The following MEIKIN variants were observed in gnomAD, a reference collection of about 807,000 sequenced individuals.
MEIKIN encodes the protein meiotic kinetochore factor.
At chr5:131,859,674 T>C (rs1412573729) in intron 9 of MEIKIN, among the ~76,000 whole-genome samples, 2 of 152,208 alleles carry the variant, frequency 1.3e-5, no homozygotes, top group Non-Finnish European at 2.9e-5. Flanking sequence ...TCTCTTTTCT[T>C]ATAAATTACC....
Position 131,854,746 on chromosome 5 carries a change from ATACT to A in MEIKIN, c.855+4_855+7del, listed in dbSNP as rs920442208. On this transcript the variant is annotated splice_donor_5th_base_variant and intron_variant, in intron 10 of 12. Coordinates refer to ENST00000442687, the MANE Select transcript of MEIKIN (RefSeq NM_001303622.2). ...CAGATACTACAAGTGCCAAATGCTA[ATACT>A]TACCACAAAACCAGCTGTCTCTGAA... 7.5e-6 allele frequency: 3 copies of A among 397,704 alleles called. No individual in the cohort carries two copies. The highest frequency in any genetic ancestry group is 6.2e-5 in the African/African-American group (3 of 48,618). The allele number at this position is 397,704 out of a possible 1,614,324, so 24.6% of individuals were successfully genotyped here. A position where few individuals can be genotyped will look rare whatever the true frequency, so the allele number is the denominator to read the frequency against.
chr5:131,938,665 T>C (rs950276724), intron 4 of MEIKIN, among the ~76,000 whole-genome samples: 2 of 152,208 alleles, frequency 1.3e-5, no homozygotes, highest in Admixed American at 1.3e-4. Context: ...AATTTTTTTG[T>C]TCTGAACACT....
intron 5 of MEIKIN, among the ~76,000 whole-genome samples, chr5:131,928,390 C>G (rs561215810): frequency 1.3e-5 from 2 of 152,066 alleles, no homozygotes; most frequent in East Asian, 3.9e-4. Context: ...ATCGATAATG[C>G]TTTTCTTTTT....
At chr5:131,934,474 G>A (rs970837556) in intron 4 of MEIKIN, among the ~76,000 whole-genome samples, 4 of 152,066 alleles carry the variant, frequency 2.6e-5, no homozygotes, top group African/African-American at 9.7e-5. Flanking sequence ...AGAAAGGATA[G>A]TCTTTTAAAC....
At chr5:131,856,425 T>C (rs1020245151) in intron 9 of MEIKIN, among the ~76,000 whole-genome samples, 3 of 152,194 alleles carry the variant, frequency 2.0e-5, no homozygotes, top group Admixed American at 2.0e-4. Context: ...CTTTAGAATA[T>C]GCTTCAGCTT....
intron 5 of MEIKIN, among the ~76,000 whole-genome samples, chr5:131,928,530 T>C (rs992604596): frequency 6.6e-6 from 1 of 152,226 alleles, no homozygotes; most frequent in Admixed American, 6.5e-5. Context: ...ACACTTATAC[T>C]TCTCCCCCTC....
chr5:131,858,454 A>G (rs1750232229), intron 9 of MEIKIN, among the ~76,000 whole-genome samples: 1 of 152,224 alleles, frequency 6.6e-6, no homozygotes, highest in African/African-American at 2.4e-5. Context: ...AAACACTTAA[A>G]TGTAAGACCT....
intron 8 of MEIKIN, among the ~76,000 whole-genome samples, chr5:131,893,924 T>C (rs1750985809): frequency 6.6e-6 from 1 of 152,340 alleles, no homozygotes; most frequent in Non-Finnish European, 1.5e-5. Flanking sequence ...TTGTCTATTT[T>C]TGTTTTTGTT....
At chr5:131,831,280 T>G (rs1037714335) in intron 11 of MEIKIN, among the ~76,000 whole-genome samples, 5 of 152,230 alleles carry the variant, frequency 3.3e-5, no homozygotes, top group Non-Finnish European at 7.3e-5. Flanking sequence ...CCAGGCATGG[T>G]GGCTCACACC....
At chr5:131,843,374 G>A (rs1029558827) in intron 11 of MEIKIN, among the ~76,000 whole-genome samples, 1 of 152,162 alleles carries the variant, frequency 6.6e-6, no homozygotes, top group African/African-American at 2.4e-5. Flanking sequence ...TCTACCACCT[G>A]GTCAGGCCAC....
At position 131,835,198 on chromosome 5, in the gene MEIKIN, G is replaced by GTGTGTATACATATGTGTA. The variant is rs1458270741; in HGVS notation, c.975+16065_975+16066insTACACATATGTATACACA. On this transcript the variant is annotated intron_variant, in intron 11 of 12. Coordinates refer to ENST00000442687, the MANE Select transcript of MEIKIN (RefSeq NM_001303622.2). ...TATATGTGTATATATATGTGTGTGT[G>GTGTGTATACATATGTGTA]TATATATATGTGTGTATATATATGT... Among the ~76,000 whole-genome samples the GTGTGTATACATATGTGTA allele has an allele frequency of 8.5e-4, 128 of 150,122 alleles. 1 individual carries two copies. Among genetic ancestry groups the GTGTGTATACATATGTGTA allele is most frequent in the African/African-American group, 2.7e-3 (109 of 40,574 alleles).
intron 9 of MEIKIN, among the ~76,000 whole-genome samples, chr5:131,864,117 G>C (rs1297418596): frequency 6.6e-6 from 1 of 151,992 alleles, no homozygotes; most frequent in African/African-American, 2.4e-5. Context: ...TAATCATTCA[G>C]CCAGTCTATA....
intron 9 of MEIKIN, among the ~76,000 whole-genome samples, chr5:131,875,361 G>A (rs1278621618): frequency 1.3e-5 from 2 of 152,106 alleles, no homozygotes; most frequent in East Asian, 3.8e-4. Flanking sequence ...CAGAGAAACA[G>A]AGAGCCAAAT....
At chr5:131,845,272 TAAAAAAAA>T (rs1158220526) in intron 11 of MEIKIN, among the ~76,000 whole-genome samples, 10 of 45,360 alleles carry the variant, frequency 2.2e-4, no homozygotes, top group African/African-American at 5.6e-4. Context: ...GACTTCGTCT[TAAAAAAAA>T]AAAAAAAAAA....
At chr5:131,842,378 T>C (rs537179143) in intron 11 of MEIKIN, among the ~76,000 whole-genome samples, 1 of 152,300 alleles carries the variant, frequency 6.6e-6, no homozygotes, top group African/African-American at 2.4e-5. Flanking sequence ...TCAGGTCTTG[T>C]TGCTCATTTT....
intron 11 of MEIKIN, among the ~76,000 whole-genome samples, chr5:131,834,600 C>T (rs914106990): frequency 6.6e-6 from 1 of 152,148 alleles, no homozygotes; most frequent in African/African-American, 2.4e-5. Flanking sequence ...GTATGTGTGG[C>T]TTATTTCACT....
intron 9 of MEIKIN, among the ~76,000 whole-genome samples, chr5:131,865,358 T>C (rs1750364763): frequency 6.6e-6 from 1 of 152,108 alleles, no homozygotes; most frequent in Non-Finnish European, 1.5e-5. Context: ...TAGCTGGGAC[T>C]GCAGGCATGC....
chr5:131,821,206 T>C (rs775017381), intron 11 of MEIKIN, among the ~76,000 whole-genome samples: 4 of 152,212 alleles, frequency 2.6e-5, no homozygotes, highest in Non-Finnish European at 5.9e-5. Flanking sequence ...GTCTCCATTA[T>C]TATTTGTTTC....
intron 10 of MEIKIN, 96 bp from the exon 11 acceptor site, chr5:131,851,479 T>C (rs1750114777): frequency 2.5e-6 from 1 of 392,188 alleles, no homozygotes. Context: ...ACCATCTCAT[T>C]GGAAGCATTT....
Sources: gnomAD v4.1 joint callset for allele counts (sites outside exome capture counted in the v4.1 genomes callset) on GRCh38, gnomAD v4.1.1 for gene constraint, MANE v1.5 for transcripts, NCBI Gene and HGNC (gene_info 2026-07-23, HGNC 2026-07-21) for gene names.